OGFOD3: variants seen among roughly 807,000 people sequenced by gnomAD.
OGFOD3 encodes the protein 2-oxoglutarate and iron-dependent oxygenase domain-containing protein 3.
Under a neutral mutation model 39.8 loss-of-function variants are expected in OGFOD3, and 35 were observed. The observed-to-expected ratio is 0.88, with a 90% CI of 0.67 to 1.17. The LOEUF (loss-of-function observed/expected upper bound fraction) is 1.17, where lower values mean the gene tolerates loss of function less well. Among genes scored for constraint, OGFOD3 ranks in the 50% most tolerant of loss-of-function variants. OGFOD3 has a pLI of 0.00. For synonymous variants in OGFOD3, 200 were observed against 192.0 expected, an observed-to-expected ratio of 1.04 and a Z score of -0.34; for missense variants, 438 against 454.5, an observed-to-expected ratio of 0.96 and a Z score of 0.33.
chr17:82,392,230 T>A lies in OGFOD3; in HGVS notation c.*168A>T. On this transcript the variant is annotated 3_prime_UTR_variant, in exon 9 of 9. Coordinates refer to ENST00000313056, the MANE Select transcript of OGFOD3 (RefSeq NM_024648.3). This position sits in a 1 kb window ranked among gnomAD's most constrained non-coding sequence, Gnocchi z 4.2. ...GATGCTGGAGAAGTGAAAAGCTGGT[T>A]CCCTTCATTTACTCACAGATGAAAA... is the stretch of plus-strand genomic sequence containing the variant. The A allele has an allele frequency of 1.3e-6, 1 of 764,430 alleles. No homozygotes were observed. Among genetic ancestry groups the A allele is most frequent in the Admixed American group, 2.9e-5 (1 of 35,048 alleles). 47.4% of individuals were successfully genotyped at this position (764,430 alleles called of 1,614,324 possible).
rs115409112 is a variant in OGFOD3, at chr17:82,399,941, G to A, written c.700-1622C>T. On this transcript the variant is annotated intron_variant, in intron 7 of 8. Coordinates refer to ENST00000313056, the MANE Select transcript of OGFOD3 (RefSeq NM_024648.3). ...AAGGGGGATGGAGCCGCACCAGCGC[G>A]GAACTGGACACCCACTGTGCGGGCG... Among the ~76,000 whole-genome samples the A allele has an allele frequency of 3.3e-3, 507 of 152,300 alleles. 4 individuals are homozygous for A. Among genetic ancestry groups the A allele is most frequent in the African/African-American group, 0.011 (466 of 41,574 alleles).
intron 2 of OGFOD3, among the ~76,000 whole-genome samples, chr17:82,414,873 C>T (rs577612317): frequency 6.6e-6 from 1 of 152,294 alleles, no homozygotes; most frequent in Non-Finnish European, 1.5e-5. Flanking sequence ...GGTGGCCGGC[C>T]CGGTCAGACC....
intron 8 of OGFOD3, chr17:82,394,270 G>A (rs954374750): frequency 3.6e-5 from 51 of 1,407,786 alleles, no homozygotes; most frequent in South Asian, 2.5e-4. Context: ...GATTACAGGC[G>A]TGAGCCACCA....
chr17:82,397,795 G>A (rs1355147405), intron 8 of OGFOD3, among the ~76,000 whole-genome samples: 1 of 152,142 alleles, frequency 6.6e-6, no homozygotes, highest in Non-Finnish European at 1.5e-5. Flanking sequence ...GAGGGCACTA[G>A]GTCACCGACA....
chr17:82,394,598 C>T (rs973344678), intron 8 of OGFOD3: 24 of 1,420,194 alleles, frequency 1.7e-5, no homozygotes, highest in Admixed American at 7.6e-5. Context: ...GGGGCCTGGG[C>T]GGTGCACACC....
In OGFOD3 at chr17:82,407,598, G is replaced by A. The variant is rs141187344; in HGVS notation, c.424-1116C>T. 3.9e-5 allele frequency among the ~76,000 whole-genome samples: 6 copies of A among 152,332 alleles called. No homozygotes were observed. In the East Asian group the frequency reaches 7.7e-4, roughly 20 times the overall value. ...TCAGAGGAAGAGGCTTCCAGCCCACGTTAGTCATCCCACCTGTGACCCCAG... is the reference window on the plus strand; with the variant it reads ...TCAGAGGAAGAGGCTTCCAGCCCACATTAGTCATCCCACCTGTGACCCCAG... On this transcript the variant is annotated intron_variant, in intron 4 of 8. Transcript: ENST00000313056.
At chr17:82,410,704 A>C (rs1184633924) in intron 3 of OGFOD3, among the ~76,000 whole-genome samples, 1 of 144,298 alleles carries the variant, frequency 6.9e-6, no homozygotes, top group African/African-American at 2.5e-5. Context: ...TTGAAAGCAC[A>C]TAATTCTTTT....
At chr17:82,411,693 G>C (rs1319425736) in intron 2 of OGFOD3, 163 bp from the exon 3 acceptor site, 1 of 586,316 alleles carries the variant, frequency 1.7e-6, no homozygotes, top group Non-Finnish European at 3.0e-6. Context: ...CGGTGCATCT[G>C]GAGTTCACGT....
At chr17:82,409,565 T>G (rs534921898) in intron 3 of OGFOD3, among the ~76,000 whole-genome samples, 155 bp from the exon 4 acceptor site, 136 of 152,384 alleles carry the variant, frequency 8.9e-4, no homozygotes, top group African/African-American at 3.2e-3. Context: ...AGGACTCAAC[T>G]TTCAAAGTTC....
chr17:82,400,678 G>C (rs532651696), intron 7 of OGFOD3: 10 of 152,016 alleles, frequency 6.6e-5, no homozygotes, highest in African/African-American at 1.9e-4. Context: ...TTTAAATCTT[G>C]TAGGATGCAT....
At chr17:82,413,379 G>C (rs1467791367) in intron 2 of OGFOD3, among the ~76,000 whole-genome samples, 2 of 152,190 alleles carry the variant, frequency 1.3e-5, no homozygotes, top group Non-Finnish European at 2.9e-5. Context: ...ACGCTGCTGG[G>C]TCCATGCTCA....
rs1280736530 is a variant in OGFOD3, at chr17:82,411,610, G to A, written c.305-80C>T. 8.3e-6 allele frequency: 9 copies of A among 1,083,530 alleles called. No individual in the cohort carries two copies. In the South Asian group the frequency reaches 8.9e-5, roughly 11 times the overall value. 67.1% of individuals were successfully genotyped at this position (1,083,530 alleles called of 1,614,324 possible). On this transcript the variant is annotated intron_variant, in intron 2 of 8. Transcript: ENST00000313056. Reference sequence around the variant, plus strand: ...CTTCCAGGGAATCAGGGCCAGAACTGGCTAATACGCCCGGTCAAATGTGAA... The same window carrying A: ...CTTCCAGGGAATCAGGGCCAGAACTAGCTAATACGCCCGGTCAAATGTGAA...
At chr17:82,416,323 T>C (rs1458600208) in intron 1 of OGFOD3, among the ~76,000 whole-genome samples, 1 of 152,220 alleles carries the variant, frequency 6.6e-6, no homozygotes, top group African/African-American at 2.4e-5. Context: ...AAGGGTTTGC[T>C]TAGCAAAATG....
chr17:82,392,282 A>G lies in OGFOD3; in HGVS notation c.*116T>C, dbSNP rs150400037. 1.1e-4 allele frequency: 129 copies of G among 1,145,252 alleles called. No homozygotes were observed. The Middle Eastern group carries it at 1.2e-3, about 11-fold the overall frequency. The allele number at this position is 1,145,252 out of a possible 1,614,324, so 70.9% of individuals were successfully genotyped here. A position where few individuals can be genotyped will look rare whatever the true frequency, so the allele number is the denominator to read the frequency against. Reference sequence around the variant, plus strand: ...ATTAACACGTCAGCAAATCAAAATCAGAGAATTCCTAAGGCACTCTGTGCA... The same window carrying G: ...ATTAACACGTCAGCAAATCAAAATCGGAGAATTCCTAAGGCACTCTGTGCA... On this transcript the variant is annotated 3_prime_UTR_variant, in exon 9 of 9. Transcript: ENST00000313056. This position sits in a 1 kb window ranked among gnomAD's most constrained non-coding sequence, Gnocchi z 4.2.
chr17:82,398,049 C>T (rs891447534), intron 8 of OGFOD3, 147 bp downstream of exon 8: 16 of 1,008,018 alleles, frequency 1.6e-5, no homozygotes, highest in African/African-American at 7.9e-5. Context: ...TTGGGACTGG[C>T]GCTAGACCTG....
intron 1 of OGFOD3, among the ~76,000 whole-genome samples, chr17:82,416,401 C>T (rs1021800171): frequency 1.3e-5 from 2 of 152,170 alleles, no homozygotes; most frequent in Admixed American, 1.3e-4. Flanking sequence ...GGCCTCCACA[C>T]AGGGGTGAAC....
Position 82,398,351 on chromosome 17 carries a change from T to C in OGFOD3, c.700-32A>G, listed in dbSNP as rs772321911. On this transcript the variant is annotated intron_variant, in intron 7 of 8. Coordinates refer to ENST00000313056, the MANE Select transcript of OGFOD3 (RefSeq NM_024648.3). ...GCAGAGCCGGGAGGAGGGGGCAGAATGGGCTCTCAGCATGCGACCAGGGCA... is the reference window on the plus strand; with the variant it reads ...GCAGAGCCGGGAGGAGGGGGCAGAACGGGCTCTCAGCATGCGACCAGGGCA... 5.6e-6 allele frequency: 9 copies of C among 1,613,520 alleles called. No homozygotes were observed. In the East Asian group the frequency reaches 8.9e-5, roughly 16 times the overall value.
chr17:82,404,038 C>G lies in OGFOD3; in HGVS notation c.598G>C (p.Ala200Pro), dbSNP rs200122408. 1.9e-6 allele frequency: 3 copies of G among 1,609,466 alleles called. No individual in the cohort carries two copies. Among genetic ancestry groups the G allele is most frequent in the South Asian group, 1.1e-5 (1 of 90,158 alleles). Residue 200 changes from alanine (A) to proline (P), a missense_variant, in exon 7 of 9, where the codon GCA (alanine) becomes CCA (proline). By Grantham distance (27) the Ala-to-Pro change is conservative. Coordinates refer to ENST00000313056, the MANE Select transcript of OGFOD3 (RefSeq NM_024648.3). This position sits in a 1 kb window ranked among gnomAD's most constrained non-coding sequence, Gnocchi z 4.5. ...LTIAEAFGIS[A>P]SSLHLTKPTF... ...GGCTTGGTCAGATGCAGCGAGGATG[C>G]GCTGATGCCAAAAGCCTCAGCAATG...
chr17:82,396,806 C>T (rs1325300976), intron 8 of OGFOD3: 1 of 152,162 alleles, frequency 6.6e-6, no homozygotes, highest in Non-Finnish European at 1.5e-5. Flanking sequence ...CTTGCAGAGG[C>T]TGGACGTCCA....
Sources: gnomAD v4.1 joint callset for allele counts (sites outside exome capture counted in the v4.1 genomes callset) on GRCh38, gnomAD v4.1.1 for gene constraint, Gnocchi (gnomAD v3.1) non-coding constraint, MANE v1.5 for transcripts, NCBI Gene and HGNC (gene_info 2026-07-23, HGNC 2026-07-21) for gene names.